The following PHACTR3 variants were observed in gnomAD, a reference collection of about 807,000 sequenced individuals.
The protein encoded by PHACTR3 is protein phosphatase 1, regulatory subunit 123.
PHACTR3 carries 16 observed loss-of-function variants against 66.8 expected under a neutral mutation model. That is an observed-to-expected ratio of 0.24 (90% CI 0.16 to 0.36). The LOEUF (loss-of-function observed/expected upper bound fraction) is 0.36. PHACTR3 is among the 10% of genes least tolerant of loss of function. The pLI is 1.00. For synonymous variants in PHACTR3, 323 were observed against 292.1 expected, an observed-to-expected ratio of 1.11 and a Z score of -1.08; for missense variants, 647 against 719.9, an observed-to-expected ratio of 0.90 and a Z score of 1.16.
At position 59,839,866 on chromosome 20, in the gene PHACTR3, C is replaced by T. The variant is rs1600754105; in HGVS notation, c.1385-503C>T. 2.0e-5 allele frequency among the ~76,000 whole-genome samples: 3 copies of T among 152,022 alleles called. No individual in the cohort carries two copies. The East Asian group carries it at 5.8e-4, about 29-fold the overall frequency. ...TAAATTCCAGGCAAGCATATGCTGC[C>T]CAGGAGCTGAAGAAGGTGTTCCATG... On this transcript the variant is annotated intron_variant, in intron 9 of 12. Coordinates refer to ENST00000371015, the MANE Select transcript of PHACTR3 (RefSeq NM_080672.5).
intron 7 of PHACTR3, among the ~76,000 whole-genome samples, chr20:59,779,611 C>G (rs892720621): frequency 6.6e-6 from 1 of 152,176 alleles, no homozygotes; most frequent in African/African-American, 2.4e-5. Flanking sequence ...TATTCTCCCT[C>G]TCTCCCTCTC....
chr20:59,644,436 G>T (rs1162152458), intron 1 of PHACTR3, among the ~76,000 whole-genome samples: 1 of 152,196 alleles, frequency 6.6e-6, no homozygotes, highest in East Asian at 1.9e-4. Flanking sequence ...CGGGTTCCCT[G>T]GTCCTTGTCC....
chr20:59,590,681 A>C (rs1388441836), intron 1 of PHACTR3, among the ~76,000 whole-genome samples: 1 of 152,184 alleles, frequency 6.6e-6, no homozygotes, highest in Non-Finnish European at 1.5e-5. Context: ...TACAACAACA[A>C]AATATCTTAG....
At chr20:59,691,379 C>T (rs560231257) in intron 1 of PHACTR3, among the ~76,000 whole-genome samples, 1 of 152,284 alleles carries the variant, frequency 6.6e-6, no homozygotes, top group East Asian at 1.9e-4. Flanking sequence ...TTTTAGATTG[C>T]CATCAATTGT....
chr20:59,633,500 G>A (rs115671458), intron 1 of PHACTR3, among the ~76,000 whole-genome samples: 2,658 of 152,304 alleles, frequency 0.017, 92 homozygotes, highest in African/African-American at 0.06. Context: ...AGGGCCTGTT[G>A]AGTGGTGGGG....
At chr20:59,683,412 G>T (rs191272442) in intron 1 of PHACTR3, among the ~76,000 whole-genome samples, 1 of 152,116 alleles carries the variant, frequency 6.6e-6, no homozygotes, top group Non-Finnish European at 1.5e-5. Flanking sequence ...GAGCTAACGC[G>T]CTCTCTCCCT....
chr20:59,814,276 C>T (rs564045231), intron 8 of PHACTR3, among the ~76,000 whole-genome samples: 7 of 152,116 alleles, frequency 4.6e-5, no homozygotes, highest in South Asian at 2.1e-4. Context: ...ATCCTGGGGA[C>T]GCGGGGCTGC....
intron 4 of PHACTR3, among the ~76,000 whole-genome samples, chr20:59,764,352 C>T (rs2040105853): frequency 6.6e-6 from 1 of 152,048 alleles, no homozygotes; most frequent in African/African-American, 2.4e-5. Context: ...TTGGTGGCAC[C>T]TCTGAGCAGA....
chr20:59,698,249 A>G (rs146119931), intron 1 of PHACTR3, among the ~76,000 whole-genome samples: 1 of 152,312 alleles, frequency 6.6e-6, no homozygotes, highest in East Asian at 1.9e-4. Context: ...CCCCAACAAA[A>G]TAATATCATA....
chr20:59,744,997 C>T (rs928347939), intron 2 of PHACTR3, among the ~76,000 whole-genome samples: 1 of 152,210 alleles, frequency 6.6e-6, no homozygotes, highest in African/African-American at 2.4e-5. Context: ...CTTGCACACA[C>T]ACGGCACTAA....
intron 5 of PHACTR3, among the ~76,000 whole-genome samples, chr20:59,770,758 C>T (rs1038115146): frequency 3.3e-5 from 5 of 152,224 alleles, no homozygotes; most frequent in African/African-American, 1.2e-4. Context: ...GGAGAAATTG[C>T]AGGAGGTCCT....
intron 1 of PHACTR3, among the ~76,000 whole-genome samples, chr20:59,589,706 C>T (rs557365662): frequency 2.0e-5 from 3 of 152,146 alleles, no homozygotes; most frequent in Non-Finnish European, 4.4e-5. Flanking sequence ...ACATAGGAAA[C>T]GTCCACATTG....
chr20:59,791,184 C>G (rs895324707), intron 7 of PHACTR3, among the ~76,000 whole-genome samples: 4 of 152,132 alleles, frequency 2.6e-5, no homozygotes, highest in African/African-American at 9.7e-5. Flanking sequence ...GCTCCGCCAT[C>G]ATGGATGGGA....
At chr20:59,676,044 C>T (rs928429387) in intron 1 of PHACTR3, among the ~76,000 whole-genome samples, 2 of 152,176 alleles carry the variant, frequency 1.3e-5, no homozygotes, top group Non-Finnish European at 2.9e-5. Context: ...TCCTGAGGTC[C>T]CTTGGGACTT....
rs185338255 is a variant in PHACTR3, at chr20:59,734,137, A to G, written c.119-8970A>G. Reference sequence around the variant, plus strand: ...CGCCTTCCTAAGCTCACCTATGTCAACTCTGTTCCATAGACCATAAGCTCC... The same window carrying G: ...CGCCTTCCTAAGCTCACCTATGTCAGCTCTGTTCCATAGACCATAAGCTCC... On this transcript the variant is annotated intron_variant, in intron 1 of 12. Coordinates refer to ENST00000371015, the MANE Select transcript of PHACTR3 (RefSeq NM_080672.5). Among the ~76,000 whole-genome samples the G allele has an allele frequency of 6.6e-4, 101 of 152,118 alleles. 1 individual carries two copies. The highest frequency in any genetic ancestry group is 2.2e-3 in the African/African-American group (93 of 41,518).
At chr20:59,709,159 T>C (rs1020326373) in intron 1 of PHACTR3, among the ~76,000 whole-genome samples, 8 of 152,218 alleles carry the variant, frequency 5.3e-5, no homozygotes, top group South Asian at 2.1e-4. Flanking sequence ...TTTTATTCAA[T>C]CTGGTGATGG....
intron 5 of PHACTR3, among the ~76,000 whole-genome samples, chr20:59,767,834 C>T (rs1177259019): frequency 2.6e-5 from 4 of 151,998 alleles, no homozygotes; most frequent in Non-Finnish European, 4.4e-5. Context: ...CATTCCATTC[C>T]TTTCCTTTCC....
At chr20:59,728,177 C>T (rs2038632429) in intron 1 of PHACTR3, among the ~76,000 whole-genome samples, 1 of 152,132 alleles carries the variant, frequency 6.6e-6, no homozygotes. Context: ...TTCTCCCCTC[C>T]CACATCCCGC....
At chr20:59,806,269 C>T in intron 8 of PHACTR3, 75 bp downstream of exon 8, 1 of 1,544,450 alleles carries the variant, frequency 6.5e-7, no homozygotes, top group African/African-American at 1.4e-5. Flanking sequence ...GATCCCACAT[C>T]CTGGGTGTGC....
Sources: gnomAD v4.1 joint callset for allele counts (sites outside exome capture counted in the v4.1 genomes callset) on GRCh38, gnomAD v4.1.1 for gene constraint, MANE v1.5 for transcripts, NCBI Gene and HGNC (gene_info 2026-07-23, HGNC 2026-07-21) for gene names.